GALNT13: variants seen among roughly 807,000 people sequenced by gnomAD.
GALNT13 encodes UDP-GalNAc:polypeptide N-acetylgalactosaminyltransferase 13.
A neutral mutation model predicts 64.2 loss-of-function variants in GALNT13; 28 were observed. That is an observed-to-expected ratio of 0.44 (90% CI 0.32 to 0.60). The LOEUF (loss-of-function observed/expected upper bound fraction) is 0.60. Among genes scored for constraint, GALNT13 ranks in the 20% least tolerant of loss-of-function variants. The pLI is 0.05. For missense variants in GALNT13, 577 were observed against 669.8 expected (o/e 0.86, Z 1.53); for synonymous variants, 214 against 224.6 (o/e 0.95, Z 0.42).
chr2:154,363,355 C>CT (rs35168419), intron 9 of GALNT13, among the ~76,000 whole-genome samples: 3 of 152,036 alleles, frequency 2.0e-5, no homozygotes, highest in Admixed American at 6.6e-5. Context: ...TTTGTTTTAA[C>CT]TTTTTTTTGT....
chr2:154,444,212 C>T (rs1258611181), intron 12 of GALNT13, among the ~76,000 whole-genome samples: 1 of 151,822 alleles, frequency 6.6e-6, no homozygotes, highest in Non-Finnish European at 1.5e-5. Context: ...GCATTTGCAA[C>T]AAAAACAGAT....
chr2:154,299,698 C>T (rs367837178), intron 8 of GALNT13, among the ~76,000 whole-genome samples: 2 of 151,444 alleles, frequency 1.3e-5, no homozygotes, highest in Admixed American at 1.3e-4. Context: ...CTCTTGACCT[C>T]GTGATCCGCC....
the GALNT13 span, among the ~76,000 whole-genome samples, chr2:153,248,579 T>G: frequency 2.6e-5 from 4 of 151,766 alleles, no homozygotes; most frequent in Non-Finnish European, 5.9e-5. Context: ...TTTGGGAGGC[T>G]GAGGAGGGCA....
the GALNT13 span, among the ~76,000 whole-genome samples, chr2:153,131,733 T>G: frequency 6.6e-6 from 1 of 152,072 alleles, no homozygotes; most frequent in African/African-American, 2.4e-5. Flanking sequence ...CAAATACACC[T>G]GGGAAAAGAT....
At chr2:153,673,079 C>A in the GALNT13 span, among the ~76,000 whole-genome samples, 1 of 152,060 alleles carries the variant, frequency 6.6e-6, no homozygotes, top group South Asian at 2.1e-4. Flanking sequence ...GCCTGCCAAC[C>A]AAACAAAGTC....
At chr2:153,277,922 TCTTTC>T in the GALNT13 span, among the ~76,000 whole-genome samples, 4 of 71,402 alleles carry the variant, frequency 5.6e-5, no homozygotes, top group Non-Finnish European at 1.1e-4. Context: ...TGTTTTCTTT[TCTTTC>T]TTTTTTTTTT....
At chr2:153,794,400 A>G in the GALNT13 span, among the ~76,000 whole-genome samples, 2 of 152,210 alleles carry the variant, frequency 1.3e-5, no homozygotes, top group East Asian at 3.8e-4. Flanking sequence ...AAAAATGTAC[A>G]GCACCATAAA....
chr2:154,328,593 G>C lies in GALNT13; in HGVS notation c.1156+27004G>C, dbSNP rs948449827. Reference sequence around the variant, plus strand: ...GGGACTAGCAACATCAGCATCACCTGGATCTTGTTAAAAAATGCTCCACCC... The same window carrying C: ...GGGACTAGCAACATCAGCATCACCTCGATCTTGTTAAAAAATGCTCCACCC... On this transcript the variant is annotated intron_variant, in intron 9 of 12. Coordinates refer to ENST00000392825, the MANE Select transcript of GALNT13 (RefSeq NM_052917.4). Among the ~76,000 whole-genome samples the C allele has an allele frequency of 3.9e-5, 6 of 152,144 alleles. No homozygotes were observed. In the East Asian group the frequency reaches 1.2e-3, roughly 30 times the overall value.
intron 3 of GALNT13, among the ~76,000 whole-genome samples, chr2:154,061,970 C>T (rs1292408049): frequency 1.3e-5 from 2 of 152,152 alleles, no homozygotes; most frequent in African/African-American, 4.8e-5. Flanking sequence ...ATATGAAACA[C>T]AGTTTGACTG....
At chr2:153,289,128 A>T in the GALNT13 span, among the ~76,000 whole-genome samples, 1 of 152,158 alleles carries the variant, frequency 6.6e-6, no homozygotes, top group African/African-American at 2.4e-5. Flanking sequence ...CTAGTTAAAC[A>T]TTGATTCTCT....
At chr2:154,335,553 G>A (rs902610667) in intron 9 of GALNT13, among the ~76,000 whole-genome samples, 2 of 151,848 alleles carry the variant, frequency 1.3e-5, no homozygotes, top group Admixed American at 6.6e-5. Context: ...AAACACCAAG[G>A]ATATTAAATA....
At chr2:153,452,171 C>G in the GALNT13 span, among the ~76,000 whole-genome samples, 3 of 152,208 alleles carry the variant, frequency 2.0e-5, no homozygotes, top group Non-Finnish European at 4.4e-5. Flanking sequence ...TTCCTTCCAA[C>G]TGATGCTGTG....
At chr2:153,692,870 A>G in the GALNT13 span, among the ~76,000 whole-genome samples, 1 of 152,174 alleles carries the variant, frequency 6.6e-6, no homozygotes, top group African/African-American at 2.4e-5. Context: ...GAGAAGAGTA[A>G]GACTCATGAA....
At chr2:153,817,144 T>A in the GALNT13 span, among the ~76,000 whole-genome samples, 1 of 152,164 alleles carries the variant, frequency 6.6e-6, no homozygotes, top group Non-Finnish European at 1.5e-5. Flanking sequence ...CTTCATGACA[T>A]CCCTTGCACC....
chr2:153,676,863 T>C, the GALNT13 span, among the ~76,000 whole-genome samples: 4 of 152,046 alleles, frequency 2.6e-5, no homozygotes, highest in Non-Finnish European at 5.9e-5. Context: ...GACCTAACCA[T>C]TGAAGGAACA....
intron 3 of GALNT13, among the ~76,000 whole-genome samples, chr2:154,022,103 G>A (rs1697551826): frequency 6.6e-6 from 1 of 152,136 alleles, no homozygotes; most frequent in African/African-American, 2.4e-5. Flanking sequence ...GATTCGGTTT[G>A]CCAGTATTTT....
chr2:153,771,697 T>A, the GALNT13 span, among the ~76,000 whole-genome samples: 4 of 152,132 alleles, frequency 2.6e-5, no homozygotes, highest in Non-Finnish European at 5.9e-5. Flanking sequence ...TGAGCAGGTG[T>A]GTGCTGAATG....
chr2:153,374,574 T>C, the GALNT13 span, among the ~76,000 whole-genome samples: 3 of 152,180 alleles, frequency 2.0e-5, no homozygotes, highest in Admixed American at 6.5e-5. Context: ...TTCAATCTAA[T>C]AGACCTATCT....
the GALNT13 span, among the ~76,000 whole-genome samples, chr2:153,105,824 T>C: frequency 6.6e-6 from 1 of 152,130 alleles, no homozygotes; most frequent in South Asian, 2.1e-4. Flanking sequence ...GTGAAGGACC[T>C]CTTCAAGGAG....
Sources: gnomAD v4.1 joint callset for allele counts (sites outside exome capture counted in the v4.1 genomes callset) on GRCh38, gnomAD v4.1.1 for gene constraint, MANE v1.5 for transcripts, NCBI Gene and HGNC (gene_info 2026-07-23, HGNC 2026-07-21) for gene names.